The following MRPS31 variants were observed in gnomAD, a reference collection of about 807,000 sequenced individuals.
MRPS31 encodes the protein mitochondrial ribosomal protein S31.
MRPS31 carries 32 observed loss-of-function variants against 43.1 expected under a neutral mutation model. The ratio of observed to expected loss-of-function variants is 0.74; its 90% confidence interval spans 0.56 to 1.00. The LOEUF (loss-of-function observed/expected upper bound fraction) is 1.00, where lower values mean the gene tolerates loss of function less well. MRPS31 is among the 50% of genes least tolerant of loss of function. The pLI is 0.00. For missense variants in MRPS31, 437 were observed against 466.7 expected (o/e 0.94, Z 0.59); for synonymous variants, 165 against 161.6 (o/e 1.02, Z -0.16).
intron 5 of MRPS31, among the ~76,000 whole-genome samples, chr13:40,753,653 C>T (rs1880452485): frequency 2.0e-5 from 3 of 152,160 alleles, no homozygotes; most frequent in Admixed American, 2.0e-4. Context: ...GGGAACATAT[C>T]AGGTAACAGT....
intron 6 of MRPS31, among the ~76,000 whole-genome samples, chr13:40,733,603 A>C (rs1879775733): frequency 6.6e-6 from 1 of 152,180 alleles, no homozygotes; most frequent in Non-Finnish European, 1.5e-5. Context: ...CCAAAAAATA[A>C]ATAAAAGAGA....
At chr13:40,744,815 T>C (rs1169943993) in intron 6 of MRPS31, among the ~76,000 whole-genome samples, 5 of 152,064 alleles carry the variant, frequency 3.3e-5, no homozygotes, top group Admixed American at 6.6e-5. Flanking sequence ...GGTTTCGCCA[T>C]GTTGGCCAGG....
intron 5 of MRPS31, among the ~76,000 whole-genome samples, chr13:40,751,771 C>T (rs1309124514): frequency 6.6e-6 from 1 of 152,144 alleles, no homozygotes; most frequent in Non-Finnish European, 1.5e-5. Context: ...TCTTTAGACT[C>T]ATGCAAGTAT....
chr13:40,764,254 C>G (rs561101435), intron 2 of MRPS31, among the ~76,000 whole-genome samples: 1 of 152,316 alleles, frequency 6.6e-6, no homozygotes, highest in African/African-American at 2.4e-5. Flanking sequence ...AAGCCCCTTA[C>G]ATAAAATGGC....
intron 6 of MRPS31, among the ~76,000 whole-genome samples, chr13:40,735,281 CG>C (rs1440248671): frequency 5.3e-5 from 8 of 152,220 alleles, no homozygotes; most frequent in African/African-American, 1.7e-4. Context: ...GAGGGTCCTA[CG>C]CCCACGGAGT....
chr13:40,770,906 A>G lies in MRPS31; in HGVS notation c.152+79T>C, dbSNP rs916627112. The G allele has an allele frequency of 6.9e-5, 108 of 1,560,684 alleles. No homozygotes were observed. The Middle Eastern group carries it at 1.3e-3, about 18-fold the overall frequency. On this transcript the variant is annotated intron_variant, in intron 1 of 6. Coordinates refer to ENST00000323563, the MANE Select transcript of MRPS31 (RefSeq NM_005830.4). ...CTCAGATTTAAAGCAATAGCTTCTAAGACCCAGCAGGTGGTAACATCGACC... is the reference window on the plus strand; with the variant it reads ...CTCAGATTTAAAGCAATAGCTTCTAGGACCCAGCAGGTGGTAACATCGACC...
intron 6 of MRPS31, among the ~76,000 whole-genome samples, chr13:40,746,096 C>T (rs866002793): frequency 3.9e-5 from 6 of 152,158 alleles, no homozygotes; most frequent in Non-Finnish European, 5.9e-5. Flanking sequence ...CACCATACTG[C>T]GAACTAAATT....
intron 6 of MRPS31, among the ~76,000 whole-genome samples, chr13:40,740,947 TA>T (rs61060673): frequency 0.019 from 2,702 of 143,090 alleles, 69 homozygotes; most frequent in African/African-American, 0.055. Context: ...AAAAAAAAAT[TA>T]AAAAAAAAAA....
At chr13:40,756,071 T>C (rs1436652259) in intron 4 of MRPS31, among the ~76,000 whole-genome samples, 2 of 152,238 alleles carry the variant, frequency 1.3e-5, no homozygotes, top group Non-Finnish European at 2.9e-5. Flanking sequence ...CTTTCCTGTA[T>C]AAATCATTAA....
intron 4 of MRPS31, among the ~76,000 whole-genome samples, chr13:40,756,081 A>G (rs1334224364): frequency 6.6e-6 from 1 of 152,214 alleles, no homozygotes; most frequent in Non-Finnish European, 1.5e-5. Flanking sequence ...TAAATCATTA[A>G]TTTAACACCC....
intron 6 of MRPS31, 94 bp downstream of exon 6, chr13:40,749,044 G>C: frequency 7.7e-7 from 1 of 1,291,030 alleles, no homozygotes; most frequent in Non-Finnish European, 1.0e-6. Context: ...AAAAGGTTTT[G>C]AAATTCATGT....
intron 6 of MRPS31, among the ~76,000 whole-genome samples, chr13:40,740,057 A>T (rs1880037295): frequency 6.6e-6 from 1 of 150,724 alleles, no homozygotes; most frequent in Admixed American, 6.6e-5. Context: ...AAGGGCTAAT[A>T]TCCAGAATCT....
At chr13:40,754,377 G>A (rs769495200) in intron 4 of MRPS31, among the ~76,000 whole-genome samples, 9 of 151,938 alleles carry the variant, frequency 5.9e-5, no homozygotes, top group African/African-American at 1.2e-4. Context: ...ATTTTTTCAC[G>A]TTTATATTAA....
intron 6 of MRPS31, among the ~76,000 whole-genome samples, chr13:40,748,589 A>G (rs1880304245): frequency 6.6e-6 from 1 of 152,228 alleles, no homozygotes; most frequent in Admixed American, 6.5e-5. Flanking sequence ...AACATCTCCA[A>G]AAAATATCCA....
chr13:40,733,247 G>T (rs1015549217), intron 6 of MRPS31, among the ~76,000 whole-genome samples: 5 of 151,926 alleles, frequency 3.3e-5, no homozygotes, highest in African/African-American at 9.7e-5. Flanking sequence ...CAGGTGATCC[G>T]CCTGCTTCGG....
intron 1 of MRPS31, among the ~76,000 whole-genome samples, chr13:40,770,529 C>G (rs776390307): frequency 4.6e-5 from 7 of 152,242 alleles, no homozygotes; most frequent in Non-Finnish European, 1.0e-4. Flanking sequence ...TTTACCTACA[C>G]TATCTCAGCT....
At chr13:40,752,105 C>A (rs1045113109) in intron 5 of MRPS31, among the ~76,000 whole-genome samples, 4 of 151,908 alleles carry the variant, frequency 2.6e-5, no homozygotes, top group African/African-American at 9.7e-5. Flanking sequence ...CTCACTGCAA[C>A]CTCCGCCTCC....
chr13:40,749,508 T>A (rs1230694653), intron 5 of MRPS31: 7 of 341,638 alleles, frequency 2.0e-5, no homozygotes, highest in Non-Finnish European at 2.6e-5. Context: ...AGGTAATCAC[T>A]GCCCCCTCTA....
At chr13:40,762,170 C>T (rs1000225667) in intron 2 of MRPS31, among the ~76,000 whole-genome samples, 1 of 151,890 alleles carries the variant, frequency 6.6e-6, no homozygotes, top group African/African-American at 2.4e-5. Flanking sequence ...TGCTTGAGCC[C>T]AGAGGTAGAG....
Sources: gnomAD v4.1 joint callset for allele counts (sites outside exome capture counted in the v4.1 genomes callset) on GRCh38, gnomAD v4.1.1 for gene constraint, MANE v1.5 for transcripts, NCBI Gene and HGNC (gene_info 2026-07-23, HGNC 2026-07-21) for gene names.